The following ST3GAL5 variants were observed in gnomAD, a reference collection of about 807,000 sequenced individuals.
The protein encoded by ST3GAL5 is lactosylceramide alpha-2,3-sialyltransferase.
ST3GAL5 carries 25 observed loss-of-function variants against 46.1 expected under a neutral mutation model. That is an observed-to-expected ratio of 0.54 (90% CI 0.40 to 0.76). ST3GAL5 has a LOEUF of 0.76. Ranked by LOEUF, ST3GAL5 falls within the 30% of genes least tolerant of loss-of-function variation. ST3GAL5 has a pLI of 0.00. For missense variants in ST3GAL5, 431 were observed against 521.2 expected (o/e 0.83, Z 1.69); for synonymous variants, 182 against 192.7 (o/e 0.94, Z 0.46).
chr2:85,884,575 G>A (rs887397464), intron 1 of ST3GAL5, among the ~76,000 whole-genome samples: 35 of 152,184 alleles, frequency 2.3e-4, no homozygotes, highest in African/African-American at 8.2e-4. Context: ...TAAGTCCTGG[G>A]TGACAACAAC....
intron 1 of ST3GAL5, chr2:85,888,622 C>T (rs1243853010): frequency 6.4e-6 from 2 of 310,860 alleles, no homozygotes; most frequent in Admixed American, 5.3e-5. Context: ...GTGGGACCCC[C>T]CGCCCGGTCC....
Position 85,847,912 on chromosome 2 carries a change from A to T in ST3GAL5, c.611T>A (p.Leu204Gln). The T allele has an allele frequency of 6.2e-7, 1 of 1,614,192 alleles. No individual in the cohort carries two copies. Among genetic ancestry groups the T allele is most frequent in the Non-Finnish European group, 8.5e-7 (1 of 1,180,034 alleles). Residue 204 changes from leucine (L) to glutamine (Q), a missense_variant, in exon 4 of 7, where the codon CTG (leucine) becomes CAG (glutamine). Physicochemically the swap from Leu to Gln is moderately radical, Grantham distance 113. Transcript: ENST00000638572. ...GGTGTGGCCCAGTTCTAATCCGTGC[A>T]GTATTCCTCCGCTTCCAATAACCAC... ...RCVVIGSGGI[L>Q]HGLELGHTLN...
intron 1 of ST3GAL5, among the ~76,000 whole-genome samples, chr2:85,885,956 G>A (rs1252398293): frequency 6.6e-6 from 1 of 152,192 alleles, no homozygotes; most frequent in Non-Finnish European, 1.5e-5. Context: ...CACTAGAGTG[G>A]TCACAGCGGC....
At chr2:85,878,558 C>T (rs113485552) in intron 1 of ST3GAL5, among the ~76,000 whole-genome samples, 1 of 151,858 alleles carries the variant, frequency 6.6e-6, no homozygotes, top group Non-Finnish European at 1.5e-5. Flanking sequence ...AGTATTGGGA[C>T]AAAAGTCTCT....
In ST3GAL5 at chr2:85,848,163, AC is replaced by A. The variant is rs1683042337; in HGVS notation, c.359del (p.Cys120PhefsTer68). On this transcript the variant is annotated frameshift_variant, in exon 4 of 7. Coordinates refer to ENST00000638572, the MANE Select transcript of ST3GAL5 (RefSeq NM_003896.4). LOFTEE classifies it high-confidence loss of function. The part of the protein sequence containing the change: ...KYAQQVLQKE[C>X]RPKFAKTSMA... ...TTGATGTCTTGGCAAACTTGGGACG[AC>A]ATTCCTTCTGCAAGACTTGCTGAGC... The A allele has an allele frequency of 6.2e-7, 1 of 1,614,102 alleles. No homozygotes were observed. Among genetic ancestry groups the A allele is most frequent in the African/African-American group, 1.3e-5 (1 of 74,944 alleles).
chr2:85,860,984 G>C (rs186061819), intron 3 of ST3GAL5, 197 bp downstream of exon 3: 1 of 582,280 alleles, frequency 1.7e-6, no homozygotes, highest in East Asian at 3.0e-5. Context: ...AATGGGAGAA[G>C]GATACTGTGG....
intron 1 of ST3GAL5, among the ~76,000 whole-genome samples, chr2:85,869,743 G>C (rs1398507146): frequency 2.0e-5 from 3 of 152,180 alleles, no homozygotes; most frequent in Non-Finnish European, 4.4e-5. Context: ...GGCAGGAACT[G>C]GGTTGCTCCC....
In ST3GAL5 at chr2:85,852,817, T is replaced by C. The variant is rs1312170968; in HGVS notation, c.319-4613A>G. 4 of 1,231,934 alleles carry C rather than the reference T, an allele frequency of 3.2e-6. No homozygotes were observed. The African/African-American group carries it at 6.2e-5, about 19-fold the overall frequency. 76.3% of individuals were successfully genotyped at this position (1,231,934 alleles called of 1,614,324 possible). On this transcript the variant is annotated intron_variant, in intron 3 of 6. Coordinates refer to ENST00000638572, the MANE Select transcript of ST3GAL5 (RefSeq NM_003896.4). ...TTGATTTAACTAGCAGCGTCGTCTT[T>C]GTTAAAGCATTTCTCCCTAGGTCGA... is the stretch of plus-strand genomic sequence containing the variant.
At chr2:85,851,721 A>G (rs1253884781) in intron 3 of ST3GAL5, 1 of 1,289,198 alleles carries the variant, frequency 7.8e-7, no homozygotes, top group African/African-American at 1.5e-5. Flanking sequence ...GAAGAGAGGA[A>G]GCAGTGTGAC....
intron 1 of ST3GAL5, among the ~76,000 whole-genome samples, chr2:85,875,026 T>TC (rs1418397546): frequency 6.6e-6 from 1 of 151,736 alleles, no homozygotes; most frequent in African/African-American, 2.4e-5. Flanking sequence ...AATGACTGTC[T>TC]CCCCCCCACC....
Position 85,888,885 on chromosome 2 carries a change from GC to G in ST3GAL5, c.20del (p.Gly7AlafsTer30). On this transcript the variant is annotated frameshift_variant, in exon 1 of 7. Coordinates refer to ENST00000638572, the MANE Select transcript of ST3GAL5 (RefSeq NM_003896.4). LOFTEE classifies it high-confidence loss of function. MRTKAAGCAERRPLQPR... is the reference protein window; with the variant it reads MRTKAAXCAERRPLQPR... Reference sequence around the variant, plus strand: ...GCTGCAGGGGACGCCGCTCCGCGCAGCCCGCCGCCTTCGTCCGCATACTAAT... The same window carrying G: ...GCTGCAGGGGACGCCGCTCCGCGCAGCCGCCGCCTTCGTCCGCATACTAAT... 1 of 1,373,094 alleles carries G rather than the reference GC, an allele frequency of 7.3e-7. No homozygotes were observed. Among genetic ancestry groups the G allele is most frequent in the South Asian group, 1.5e-5 (1 of 64,656 alleles). 85.1% of individuals were successfully genotyped at this position (1,373,094 alleles called of 1,614,324 possible). A position where few individuals can be genotyped will look rare whatever the true frequency, so the allele number is the denominator to read the frequency against.
intron 1 of ST3GAL5, chr2:85,888,065 C>T (rs1687954716): frequency 6.6e-6 from 1 of 152,066 alleles, no homozygotes; most frequent in Non-Finnish European, 1.5e-5. Flanking sequence ...TAGAAAAACC[C>T]GGGGCCTGGA....
intron 2 of ST3GAL5, among the ~76,000 whole-genome samples, chr2:85,861,883 A>G (rs907798739): frequency 2.0e-5 from 3 of 151,928 alleles, no homozygotes; most frequent in Non-Finnish European, 4.4e-5. Flanking sequence ...AGTTTTAGAA[A>G]TCTCATTTTT....
intron 2 of ST3GAL5, 73 bp from the exon 3 acceptor site, chr2:85,861,365 G>A (rs747933023): frequency 7.8e-5 from 78 of 1,005,356 alleles, no homozygotes; most frequent in Non-Finnish European, 1.2e-4. Flanking sequence ...AACTGAAAAC[G>A]GAATCCTAAA....
intron 1 of ST3GAL5, among the ~76,000 whole-genome samples, chr2:85,877,324 C>A (rs1464330775): frequency 6.6e-6 from 1 of 152,226 alleles, no homozygotes; most frequent in Non-Finnish European, 1.5e-5. Context: ...AGTCCAGGAT[C>A]ATTTGGCATT....
intron 1 of ST3GAL5, among the ~76,000 whole-genome samples, chr2:85,869,445 A>G (rs944215333): frequency 6.6e-6 from 1 of 151,872 alleles, no homozygotes; most frequent in Non-Finnish European, 1.5e-5. Context: ...TGAAAAACTG[A>G]AACTATTTTC....
Position 85,840,190 on chromosome 2 carries a change from T to C in ST3GAL5, c.1211A>G (p.Glu404Gly). ...ETKFLLKLVK[E>G]GVVKDLSGGI... The stretch of plus-strand genomic sequence containing the variant: ...TCCACTGAGATCTTTCACCACTCCC[T>C]CTTTGACCAGCTTTAAGAGGAACTT... Residue 404 changes from glutamate to glycine, a missense_variant, in exon 7 of 7, where the codon GAG becomes GGG. Coordinates refer to ENST00000638572, the MANE Select transcript of ST3GAL5 (RefSeq NM_003896.4). The C allele has an allele frequency of 6.2e-7, 1 of 1,614,202 alleles. No individual in the cohort carries two copies. Among genetic ancestry groups the C allele is most frequent in the Non-Finnish European group, 8.5e-7 (1 of 1,180,028 alleles).
At position 85,888,851 on chromosome 2, in the gene ST3GAL5, C is replaced by G. The variant is rs1001395266; in HGVS notation, c.55G>C (p.Glu19Gln). The G allele has an allele frequency of 1.5e-6, 2 of 1,327,470 alleles. No homozygotes were observed. The highest frequency in any genetic ancestry group is 3.4e-5 in the East Asian group (1 of 29,576). 82.2% of individuals were successfully genotyped at this position (1,327,470 alleles called of 1,614,324 possible). Residue 19 changes from glutamate to glutamine, a missense_variant, in exon 1 of 7, where the codon GAG becomes CAG. Coordinates refer to ENST00000638572, the MANE Select transcript of ST3GAL5 (RefSeq NM_003896.4). ...AERRPLQPRTEAAAAPAGRAM... is the reference protein window; with the variant it reads ...AERRPLQPRTQAAAAPAGRAM... Reference sequence around the variant, plus strand: ...CGGCCGGCAGGTGCCGCCGCTGCCTCGGTCCGCGGCTGCAGGGGACGCCGC... The same window carrying G: ...CGGCCGGCAGGTGCCGCCGCTGCCTGGGTCCGCGGCTGCAGGGGACGCCGC...
intron 3 of ST3GAL5, chr2:85,851,684 G>A (rs891787494): frequency 5.4e-6 from 7 of 1,289,412 alleles, no homozygotes; most frequent in African/African-American, 3.0e-5. Flanking sequence ...GCCTCAAGGC[G>A]AGTGCCGCAC....
Sources: allele counts gnomAD v4.1 joint callset (sites outside exome capture counted in the v4.1 genomes callset), GRCh38; gene constraint gnomAD v4.1.1; transcripts MANE v1.5; gene names NCBI Gene and HGNC (gene_info 2026-07-23, HGNC 2026-07-21).